ZNF701: variants seen among roughly 807,000 people sequenced by gnomAD.
ZNF701 encodes the protein zinc finger protein 701.
A neutral mutation model predicts 7.1 loss-of-function variants in ZNF701; 6 were observed. That is an observed-to-expected ratio of 0.84 (90% CI 0.46 to 1.66). The LOEUF is 1.66. Ranked by LOEUF, ZNF701 falls within the 40% of genes most tolerant of loss-of-function variation. The pLI is 0.01. For missense variants in ZNF701, 541 were observed against 559.2 expected, an observed-to-expected ratio of 0.97 and a Z score of 0.33; for synonymous variants, 166 against 188.2, an observed-to-expected ratio of 0.88 and a Z score of 0.97.
Position 52,582,400 on chromosome 19 carries a change from C to T in ZNF701, c.341C>T (p.Thr114Ile). ...ACAAATGGCCATGAAGCACTCATGA[C>T]AAAAACCAAAAAGTTGATGAGTAGT... ...NETNGHEALM[T>I]KTKKLMSSTE... is the part of the protein sequence containing the mutation. The change falls in exon 4 of 4, where the codon ACA becomes ATA. Residue 114 changes from threonine (T) to isoleucine (I), a missense_variant. Coordinates refer to ENST00000391785, the MANE Select transcript of ZNF701 (RefSeq NM_018260.3). 1 of 1,612,554 alleles carries T rather than the reference C, an allele frequency of 6.2e-7. No homozygotes were observed.
chr19:52,570,745 C>T (rs2059892360), intron 1 of ZNF701: 1 of 152,326 alleles, frequency 6.6e-6, no homozygotes, highest in South Asian at 2.1e-4. Flanking sequence ...GTGCTGGGAT[C>T]TTGTGGACCC....
intron 3 of ZNF701, among the ~76,000 whole-genome samples, chr19:52,578,941 T>G (rs1489630162): frequency 1.3e-5 from 2 of 150,882 alleles, no homozygotes; most frequent in African/African-American, 2.5e-5. Context: ...TGTATTTTTA[T>G]TAGAGACAGG....
intron 1 of ZNF701, among the ~76,000 whole-genome samples, chr19:52,573,553 T>C (rs2059913665): frequency 6.6e-6 from 1 of 152,162 alleles, no homozygotes; most frequent in Admixed American, 6.5e-5. Flanking sequence ...TTTGTGTTTT[T>C]AGTACAGACA....
downstream of ZNF701, chr19:52,588,600 C>T (rs1357530627): frequency 1.8e-5 from 7 of 394,654 alleles, 1 homozygote; most frequent in South Asian, 4.5e-5. Flanking sequence ...GAGCCAGGGA[C>T]GGCTCTTCCT....
downstream of ZNF701, among the ~76,000 whole-genome samples, chr19:52,587,464 T>C (rs1252420198): frequency 3.3e-5 from 5 of 152,180 alleles, no homozygotes; most frequent in Non-Finnish European, 2.9e-5. Context: ...GCCCCTCAAC[T>C]GCAAGTGACA....
chr19:52,595,546 AG>A, the ZNF701 span: 1 of 622,574 alleles, frequency 1.6e-6, no homozygotes, highest in African/African-American at 1.9e-5. Context: ...CTGGGACTAC[AG>A]GTGTGAGCCA....
At chr19:52,588,626 T>A (rs936006284), downstream of ZNF701, 11 of 360,148 alleles carry the variant, frequency 3.1e-5, no homozygotes, top group Non-Finnish European at 5.3e-5. Context: ...AAAGTGATAT[T>A]CCTCGGTGGA....
At chr19:52,582,137 A>T in intron 3 of ZNF701, 65 bp from the exon 4 acceptor site, 1 of 1,352,858 alleles carries the variant, frequency 7.4e-7, no homozygotes, top group Non-Finnish European at 1.0e-6. Flanking sequence ...TGTAATATTT[A>T]CACATTTCAG....
chr19:52,570,341 C>G lies in ZNF701; in HGVS notation c.-72+11C>G, dbSNP rs148284874. On this transcript the variant is annotated intron_variant, in intron 1 of 3. Coordinates refer to ENST00000391785, the MANE Select transcript of ZNF701 (RefSeq NM_018260.3). ...GGTCGCACCGCGGCGGTGAGTTTTG[C>G]TCTGTGTTGTATTAAGTCTGCACTC... 5.5e-4 allele frequency: 85 copies of G among 154,150 alleles called. No individual in the cohort carries two copies. The highest frequency in any genetic ancestry group is 1.0e-3 in the Admixed American group (16 of 15,314). The allele number at this position is 154,150 out of a possible 1,614,324, so 9.5% of individuals were successfully genotyped here. A position where few individuals can be genotyped will look rare whatever the true frequency, so the allele number is the denominator to read the frequency against.
At chr19:52,591,892 C>T (rs2060038357), downstream of ZNF701, 1 of 319,354 alleles carries the variant, frequency 3.1e-6, no homozygotes, top group Admixed American at 4.6e-5. Flanking sequence ...CTGAGACTTC[C>T]ACAGTGACTT....
chr19:52,597,328 G>T, the ZNF701 span: 1 of 542,828 alleles, frequency 1.8e-6, no homozygotes, highest in East Asian at 5.1e-5. Context: ...ATCCATACTG[G>T]ACAGAAATCT....
rs1466017885 is a variant in ZNF701, at chr19:52,583,673, A to G, written c.*216A>G. On this transcript the variant is annotated 3_prime_UTR_variant, in exon 4 of 4. Coordinates refer to ENST00000391785, the MANE Select transcript of ZNF701 (RefSeq NM_018260.3). ...TCGGGTGTGATTCACACCTGGCCCA[A>G]CATACTGGAATTCACACTGGAAAGG... 7.2e-6 allele frequency: 7 copies of G among 968,072 alleles called. No individual in the cohort carries two copies. In the Admixed American group the frequency reaches 1.1e-4, roughly 15 times the overall value. 60.0% of individuals were successfully genotyped at this position (968,072 alleles called of 1,614,324 possible). A position where few individuals can be genotyped will look rare whatever the true frequency, so the allele number is the denominator to read the frequency against.
chr19:52,587,458 C>G (rs1305920326), downstream of ZNF701, among the ~76,000 whole-genome samples: 1 of 152,156 alleles, frequency 6.6e-6, no homozygotes, highest in Non-Finnish European at 1.5e-5. Flanking sequence ...TCTCTGGCCC[C>G]TCAACTGCAA....
chr19:52,588,592 G>A (rs1044889689), downstream of ZNF701: 2 of 400,380 alleles, frequency 5.0e-6, no homozygotes, highest in African/African-American at 2.2e-5. Context: ...AAGAAAAGGA[G>A]CCAGGGACGG....
intron 2 of ZNF701, 40 bp downstream of exon 2, chr19:52,574,202 T>A: frequency 6.2e-7 from 1 of 1,602,080 alleles, no homozygotes. Flanking sequence ...GTCTCCTTCC[T>A]TTCAGAAATG....
chr19:52,593,385 T>C, the ZNF701 span, among the ~76,000 whole-genome samples: 37 of 104,460 alleles, frequency 3.5e-4, 1 homozygote, highest in African/African-American at 4.1e-4. Context: ...ACCTCCCGGA[T>C]GGGGCGGCTG....
In ZNF701 at chr19:52,575,969, G is replaced by A; in HGVS notation, c.90G>A (p.Arg30=). Reference sequence around the variant, plus strand: ...GGAAATGCCTGGACCCTGCTCAGAGGACTCTATACAGAGACGTGATGCTGG... The same window carrying A: ...GGAAATGCCTGGACCCTGCTCAGAGAACTCTATACAGAGACGTGATGCTGG... ...EEWKCLDPAQ[R]TLYRDVMLEN... Residue 30 remains arginine (R), a synonymous_variant, in exon 3 of 4, where the codon AGG becomes AGA. Coordinates refer to ENST00000391785, the MANE Select transcript of ZNF701 (RefSeq NM_018260.3). 6.3e-7 allele frequency: 1 copy of A among 1,583,488 alleles called. No individual in the cohort carries two copies. The highest frequency in any genetic ancestry group is 8.5e-7 in the Non-Finnish European group (1 of 1,169,706).
intron 1 of ZNF701, chr19:52,572,369 G>A: frequency 7.8e-7 from 1 of 1,288,910 alleles, no homozygotes; most frequent in Non-Finnish European, 1.0e-6. Context: ...TGTTTTGAAG[G>A]TAACTAGCTG....
chr19:52,587,628 C>G (rs2060020021), downstream of ZNF701, among the ~76,000 whole-genome samples: 1 of 152,218 alleles, frequency 6.6e-6, no homozygotes, highest in South Asian at 2.1e-4. Context: ...TTAGCTCCTT[C>G]ACCGTTCACT....
Sources: gnomAD v4.1 joint callset for allele counts (sites outside exome capture counted in the v4.1 genomes callset) on GRCh38, gnomAD v4.1.1 for gene constraint, MANE v1.5 for transcripts, NCBI Gene and HGNC (gene_info 2026-07-23, HGNC 2026-07-21) for gene names.